BICD1: variants seen among roughly 807,000 people sequenced by gnomAD.
BICD1 encodes BICD cargo adaptor 1.
Under a neutral mutation model 92.5 loss-of-function variants are expected in BICD1, and 35 were observed. The ratio of observed to expected loss-of-function variants is 0.38; its 90% CI spans 0.29 to 0.50. The LOEUF (loss-of-function observed/expected upper bound fraction) is 0.50. Ranked by LOEUF, BICD1 falls within the 20% of genes least tolerant of loss-of-function variation. The pLI, the probability that BICD1 is intolerant of heterozygous loss-of-function variation, is 0.93. For missense variants in BICD1, 950 were observed against 1,189.8 expected (o/e 0.80, Z 2.97); for synonymous variants, 429 against 465.1 (o/e 0.92, Z 1.00).
intron 1 of BICD1, among the ~76,000 whole-genome samples, chr12:32,130,466 C>T (rs1170296073): frequency 1.3e-5 from 2 of 152,238 alleles, no homozygotes; most frequent in African/African-American, 2.4e-5. Flanking sequence ...GCTGGGATTA[C>T]AGGCGTGAGC....
chr12:32,371,071 C>T (rs201260279), intron 9 of BICD1, among the ~76,000 whole-genome samples: 1 of 151,918 alleles, frequency 6.6e-6, no homozygotes, highest in East Asian at 1.9e-4. Context: ...TTTGACTAAA[C>T]AATTATGTAG....
At chr12:32,292,776 A>C (rs545880574) in intron 2 of BICD1, among the ~76,000 whole-genome samples, 3 of 152,194 alleles carry the variant, frequency 2.0e-5, no homozygotes, top group Non-Finnish European at 4.4e-5. Flanking sequence ...TCTTTGTTTG[A>C]ATAGGAAACA....
Position 32,306,096 on chromosome 12 carries a change from CAGA to C in BICD1, c.982_984del (p.Lys328del). 1 of 1,604,976 alleles carries C rather than the reference CAGA, an allele frequency of 6.2e-7. No homozygotes were observed. Among genetic ancestry groups the C allele is most frequent in the Non-Finnish European group, 8.5e-7 (1 of 1,176,980 alleles). ...CAGTGAGCTGAACATTTCAGAAATA[CAGA>C]AGTTGAAGCAGCAGCTTATGCAGGT... is the stretch of plus-strand genomic sequence containing the variant. On this transcript the variant is annotated inframe_deletion, in exon 4 of 10. Transcript: ENST00000652176.
At chr12:32,239,326 G>C (rs1946169683) in intron 2 of BICD1, among the ~76,000 whole-genome samples, 1 of 151,284 alleles carries the variant, frequency 6.6e-6, no homozygotes, top group Non-Finnish European at 1.5e-5. Flanking sequence ...CAGCACTTTG[G>C]GAGGCCGAGG....
chr12:32,313,851 C>T lies in BICD1; in HGVS notation c.1005+7729C>T, dbSNP rs1271833060. On this transcript the variant is annotated intron_variant, in intron 4 of 9. Transcript: ENST00000652176. This position sits in a 1 kb window ranked among gnomAD's most constrained non-coding sequence, Gnocchi z 4.2. ...AAAAAATTAGCTGGGCACGGTGGTGCGTGCCTATAGTCCCAGCTACTAGGG... is the reference window on the plus strand; with the variant it reads ...AAAAAATTAGCTGGGCACGGTGGTGTGTGCCTATAGTCCCAGCTACTAGGG... Among the ~76,000 whole-genome samples, 2 of 152,022 alleles carry T rather than the reference C, an allele frequency of 1.3e-5. No homozygotes were observed. Among genetic ancestry groups the T allele is most frequent in the Non-Finnish European group, 2.9e-5 (2 of 67,994 alleles).
chr12:32,346,552 A>ACGTG (rs1348488310), intron 8 of BICD1, among the ~76,000 whole-genome samples: 2 of 28,260 alleles, frequency 7.1e-5, no homozygotes, highest in East Asian at 2.0e-3. Context: ...ATATATATAT[A>ACGTG]TATATATATA....
In BICD1 at chr12:32,285,740, G is replaced by C. The variant is rs564291078; in HGVS notation, c.427-8254G>C. On this transcript the variant is annotated intron_variant, in intron 2 of 9. Transcript: ENST00000652176. ...AGGTGAAAAGCTAAAGCATTCCCCT[G>C]TTGTGCCATTTTCTTCCCTTTCTCT... Among the ~76,000 whole-genome samples, 11 of 152,192 alleles carry C rather than the reference G, an allele frequency of 7.2e-5. No homozygotes were observed. The South Asian group carries it at 2.3e-3, about 32-fold the overall frequency.
rs141882022 is a variant in BICD1 at position 32,277,556 on chromosome 12, G to T, written c.427-16438G>T. ...TAACCTTTATTTTCTGGATGGTAAA[G>T]GTGTTTTATAGCAACAAAAACAAAC... On this transcript the variant is annotated intron_variant, in intron 2 of 9. Coordinates refer to ENST00000652176, the MANE Select transcript of BICD1 (RefSeq NM_001714.4). Among the ~76,000 whole-genome samples, 386 of 152,258 alleles carry T rather than the reference G, an allele frequency of 2.5e-3. 3 individuals carry two copies. Among genetic ancestry groups the T allele is most frequent in the African/African-American group, 8.4e-3 (350 of 41,536 alleles).
chr12:32,169,452 T>G (rs1321723253), intron 1 of BICD1, among the ~76,000 whole-genome samples: 1 of 152,124 alleles, frequency 6.6e-6, no homozygotes, highest in Non-Finnish European at 1.5e-5. Flanking sequence ...TAATTTTTTT[T>G]TTCTTAGTAG....
rs1319665210 is a variant in BICD1, at chr12:32,313,523, ATAT to A, written c.1005+7405_1005+7407del. 6.6e-6 allele frequency among the ~76,000 whole-genome samples: 1 copy of A among 152,230 alleles called. No homozygotes were observed. The highest frequency in any genetic ancestry group is 2.4e-5 in the African/African-American group (1 of 41,462). On this transcript the variant is annotated intron_variant, in intron 4 of 9. Transcript: ENST00000652176. The surrounding 1 kb of genome is among the most constrained non-coding windows in gnomAD (Gnocchi z 4.2). ...ACACAGAGACAGTCGAACAAGTGAA[ATAT>A]TATCTCTGCTTAAACACTCACAGAA...
intron 2 of BICD1, among the ~76,000 whole-genome samples, chr12:32,275,597 T>C (rs1947252086): frequency 6.6e-6 from 1 of 152,112 alleles, no homozygotes; most frequent in African/African-American, 2.4e-5. Context: ...GCTACTGCAC[T>C]CTTCTGGTCC....
intron 2 of BICD1, among the ~76,000 whole-genome samples, chr12:32,244,731 C>T (rs956798244): frequency 3.3e-5 from 5 of 151,354 alleles, no homozygotes; most frequent in East Asian, 2.0e-4. Flanking sequence ...TGGGTTCAAG[C>T]GATTCTCCTG....
chr12:32,201,718 G>A lies in BICD1; in HGVS notation c.214-14529G>A, dbSNP rs148515201. Among the ~76,000 whole-genome samples, 651 of 151,756 alleles carry A rather than the reference G, an allele frequency of 4.3e-3. 3 individuals are homozygous for A. The highest frequency in any genetic ancestry group is 0.015 in the African/African-American group (621 of 41,338). ...TTTAAATAAAAATTTACATTTTAAT[G>A]ATAAAGACACTCATTGGCCAAGACC... On this transcript the variant is annotated intron_variant, in intron 1 of 9. Transcript: ENST00000652176.
chr12:32,159,623 C>T lies in BICD1; in HGVS notation c.213+52079C>T, dbSNP rs116480129. ...GAGAAATGTGCAGAGAGAATCAGTT[C>T]GCCAGCAGGTGCGATTCTGGAATTG... On this transcript the variant is annotated intron_variant, in intron 1 of 9. Coordinates refer to ENST00000652176, the MANE Select transcript of BICD1 (RefSeq NM_001714.4). Among the ~76,000 whole-genome samples, 1,038 of 152,216 alleles carry T rather than the reference C, an allele frequency of 6.8e-3. 13 individuals carry two copies. Among genetic ancestry groups the T allele is most frequent in the African/African-American group, 0.024 (979 of 41,520 alleles).
chr12:32,335,650 G>A (rs1468103328), intron 6 of BICD1, among the ~76,000 whole-genome samples: 2 of 146,364 alleles, frequency 1.4e-5, no homozygotes, highest in African/African-American at 5.1e-5. Context: ...GCGCTATCTC[G>A]GTTCACTGCA....
Position 32,283,220 on chromosome 12 carries a change from G to A in BICD1, c.427-10774G>A, listed in dbSNP as rs1947467896. Among the ~76,000 whole-genome samples, 3 of 152,182 alleles carry A rather than the reference G, an allele frequency of 2.0e-5. No individual in the cohort carries two copies. In the South Asian group the frequency reaches 6.2e-4, roughly 31 times the overall value. On this transcript the variant is annotated intron_variant, in intron 2 of 9. Transcript: ENST00000652176. ...GTATGACCACTGGACAGTATTTACA[G>A]CCTATTAGAATTTGAGAGATTCAGG...
chr12:32,314,409 C>T (rs1337758130), intron 4 of BICD1, among the ~76,000 whole-genome samples: 2 of 152,088 alleles, frequency 1.3e-5, no homozygotes, highest in Non-Finnish European at 2.9e-5. Context: ...ATGAGTGTTC[C>T]GATTTCTCCA....
At chr12:32,147,574 A>T (rs1943152865) in intron 1 of BICD1, among the ~76,000 whole-genome samples, 1 of 152,248 alleles carries the variant, frequency 6.6e-6, no homozygotes, top group Non-Finnish European at 1.5e-5. Flanking sequence ...TTAATTTTTT[A>T]AAAACATCTT....
rs1249433593 is a variant in BICD1, at chr12:32,381,973, G to C, written c.*4346G>C. On this transcript the variant is annotated 3_prime_UTR_variant, in exon 10 of 10. Transcript: ENST00000652176. ...TGGAGTTATGATAGGTTATGACAGA[G>C]AGCATGATCAGTGCTGATACTGACA... 6.6e-6 allele frequency: 1 copy of C among 152,096 alleles called. No homozygotes were observed. The highest frequency in any genetic ancestry group is 1.9e-4 in the East Asian group (1 of 5,194). 9.4% of individuals were successfully genotyped at this position (152,096 alleles called of 1,614,324 possible). A position where few individuals can be genotyped will look rare whatever the true frequency, so the allele number is the denominator to read the frequency against.
Sources: gnomAD v4.1 joint callset for allele counts (sites outside exome capture counted in the v4.1 genomes callset) on GRCh38, gnomAD v4.1.1 for gene constraint, Gnocchi (gnomAD v3.1) non-coding constraint, MANE v1.5 for transcripts, NCBI Gene and HGNC (gene_info 2026-07-23, HGNC 2026-07-21) for gene names.